The following ARPC1A variants were observed in gnomAD, a reference collection of about 807,000 sequenced individuals.
ARPC1A encodes actin-related protein 2/3 complex subunit 1A.
A neutral mutation model predicts 46.9 loss-of-function variants in ARPC1A; 8 were observed. The observed-to-expected ratio is 0.17, with a 90% CI of 0.10 to 0.31. The LOEUF (loss-of-function observed/expected upper bound fraction) is 0.31, where lower values mean the gene tolerates loss of function less well. Ranked by LOEUF, ARPC1A falls within the 10% of genes least tolerant of loss-of-function variation. The pLI, the probability that ARPC1A is intolerant of heterozygous loss-of-function variation, is 1.00. For synonymous variants in ARPC1A, 152 were observed against 169.0 expected (o/e 0.90, Z 0.78); for missense variants, 286 against 483.6 (o/e 0.59, Z 3.83).
intron 3 of ARPC1A, among the ~76,000 whole-genome samples, chr7:99,342,763 C>T (rs1793375845): frequency 1.4e-5 from 2 of 140,424 alleles, no homozygotes; most frequent in Non-Finnish European, 3.0e-5. Context: ...CGCTGTGTCA[C>T]CCAGGCTGGA....
intron 4 of ARPC1A, among the ~76,000 whole-genome samples, chr7:99,348,233 A>G (rs951515533): frequency 6.6e-6 from 1 of 152,232 alleles, no homozygotes; most frequent in Non-Finnish European, 1.5e-5. Context: ...TTCAAACTTC[A>G]GTTTTTATCT....
intron 3 of ARPC1A, among the ~76,000 whole-genome samples, chr7:99,341,703 C>G (rs1384572562): frequency 6.6e-6 from 1 of 151,504 alleles, no homozygotes; most frequent in Non-Finnish European, 1.5e-5. Context: ...CCAAAGAAAT[C>G]GCCAAAAATG....
intron 6 of ARPC1A, among the ~76,000 whole-genome samples, chr7:99,354,749 C>A (rs111440777): frequency 5.3e-5 from 8 of 152,002 alleles, no homozygotes; most frequent in African/African-American, 1.7e-4. Context: ...CTTTGGTAGG[C>A]CATGGGTGGA....
chr7:99,365,792 G>T (rs1793829289), intron 9 of ARPC1A, 99 bp from the exon 10 acceptor site: 5 of 1,309,842 alleles, frequency 3.8e-6, no homozygotes, highest in African/African-American at 2.9e-5. Context: ...TCAGGGTGGG[G>T]ACAGGCAGAA....
chr7:99,337,325 G>T (rs1793272522), intron 2 of ARPC1A, among the ~76,000 whole-genome samples: 1 of 152,220 alleles, frequency 6.6e-6, no homozygotes, highest in African/African-American at 2.4e-5. Context: ...GGAGGCTAAG[G>T]CAGGAGAATC....
intron 1 of ARPC1A, among the ~76,000 whole-genome samples, chr7:99,331,710 G>A (rs562317322): frequency 6.6e-6 from 1 of 152,260 alleles, no homozygotes; most frequent in African/African-American, 2.4e-5. Flanking sequence ...CTTGAGGCCA[G>A]GTGTTCAAGA....
At chr7:99,363,789 C>T (rs939592385) in intron 9 of ARPC1A, among the ~76,000 whole-genome samples, 156 bp downstream of exon 9, 2 of 152,104 alleles carry the variant, frequency 1.3e-5, no homozygotes, top group Non-Finnish European at 2.9e-5. Flanking sequence ...GCCCTCCCAC[C>T]TCAGCCTCCC....
intron 5 of ARPC1A, among the ~76,000 whole-genome samples, chr7:99,351,737 A>T (rs1339689896): frequency 2.6e-5 from 4 of 152,128 alleles, no homozygotes; most frequent in Non-Finnish European, 5.9e-5. Flanking sequence ...TTGGGGTGGT[A>T]GGGGGGATAC....
At chr7:99,333,548 G>A in intron 2 of ARPC1A, 131 bp downstream of exon 2, 1 of 771,572 alleles carries the variant, frequency 1.3e-6, no homozygotes, top group South Asian at 1.8e-5. Context: ...ACATTCAGAA[G>A]GGAACTAAGT....
chr7:99,334,209 A>G (rs1793201419), intron 2 of ARPC1A, among the ~76,000 whole-genome samples: 1 of 151,818 alleles, frequency 6.6e-6, no homozygotes, highest in Non-Finnish European at 1.5e-5. Context: ...AAAAATAAAA[A>G]AAATTAACCA....
In ARPC1A at chr7:99,353,634, C is replaced by A. The variant is rs151246275; in HGVS notation, c.501-275C>A. ...TTGGGATTACAGGCATGCGCCCCCACGCTTGGCTAATTTTGTGTATTTTTA... is the reference window on the plus strand; with the variant it reads ...TTGGGATTACAGGCATGCGCCCCCAAGCTTGGCTAATTTTGTGTATTTTTA... On this transcript the variant is annotated intron_variant, in intron 5 of 9. Coordinates refer to ENST00000262942, the MANE Select transcript of ARPC1A (RefSeq NM_006409.4). Among the ~76,000 whole-genome samples, 1,131 of 151,980 alleles carry A rather than the reference C, an allele frequency of 7.4e-3. 14 individuals are homozygous for A. Among genetic ancestry groups the A allele is most frequent in the African/African-American group, 0.026 (1,096 of 41,422 alleles).
At chr7:99,332,900 G>GGTGTGACCACCATGCCCA in intron 1 of ARPC1A, among the ~76,000 whole-genome samples, 1 of 129,046 alleles carries the variant, frequency 7.7e-6, no homozygotes, top group Non-Finnish European at 1.5e-5. Flanking sequence ...CACCATGCCC[G>GGTGTGACCACCATGCCCA]GCCTTTTTTT....
intron 1 of ARPC1A, among the ~76,000 whole-genome samples, chr7:99,331,543 A>G (rs575584076): frequency 4.3e-4 from 65 of 152,344 alleles, no homozygotes; most frequent in African/African-American, 1.6e-3. Context: ...AAGAAAATGA[A>G]AATAATTCCA....
chr7:99,359,506 G>T, intron 7 of ARPC1A, 39 bp from the exon 8 acceptor site: 11 of 1,605,258 alleles, frequency 6.9e-6, no homozygotes, highest in Non-Finnish European at 9.4e-6. Flanking sequence ...TGGGCGGTGG[G>T]CAGTGCATCC....
chr7:99,359,775 G>A (rs1793709355), intron 8 of ARPC1A, 37 bp downstream of exon 8: 5 of 1,609,632 alleles, frequency 3.1e-6, no homozygotes, highest in Non-Finnish European at 4.2e-6. Flanking sequence ...CAGGTGACAA[G>A]GTGCCTTCCT....
chr7:99,353,063 TA>T (rs1486686135), intron 5 of ARPC1A, among the ~76,000 whole-genome samples: 14 of 152,182 alleles, frequency 9.2e-5, no homozygotes, highest in Non-Finnish European at 1.8e-4. Context: ...GAGGTTTGAA[TA>T]TCTGGACTTA....
intron 1 of ARPC1A, 96 bp from the exon 2 acceptor site, chr7:99,333,229 T>G: frequency 1.3e-6 from 1 of 789,822 alleles, no homozygotes; most frequent in East Asian, 2.7e-5. Context: ...ATGTTTTATT[T>G]ATTTCCGAAC....
At chr7:99,338,157 C>A (rs1350080221) in intron 2 of ARPC1A, 24 bp from the exon 3 acceptor site, 2 of 1,544,720 alleles carry the variant, frequency 1.3e-6, no homozygotes, top group Non-Finnish European at 1.8e-6. Flanking sequence ...CAGGTGTTAA[C>A]TGTTGTTTGA....
intron 1 of ARPC1A, among the ~76,000 whole-genome samples, chr7:99,330,300 C>T (rs1793124956): frequency 6.6e-6 from 1 of 151,752 alleles, no homozygotes; most frequent in Non-Finnish European, 1.5e-5. Context: ...TTGGGTTCCC[C>T]CCCCCTTTTT....
Sources: gnomAD v4.1 joint callset for allele counts (sites outside exome capture counted in the v4.1 genomes callset) on GRCh38, gnomAD v4.1.1 for gene constraint, MANE v1.5 for transcripts, NCBI Gene and HGNC (gene_info 2026-07-23, HGNC 2026-07-21) for gene names.